The following RGS9 variants were observed in gnomAD, a reference collection of about 807,000 sequenced individuals.
RGS9 encodes the protein regulator of G protein signaling 9.
Under a neutral mutation model 102.0 loss-of-function variants are expected in RGS9, and 78 were observed. That is an observed-to-expected ratio of 0.76 (90% CI 0.64 to 0.92). The LOEUF is 0.92. Among genes scored for constraint, RGS9 ranks in the 40% least tolerant of loss-of-function variants. The pLI, the probability that RGS9 is intolerant of heterozygous loss-of-function variation, is 0.00. For synonymous variants in RGS9, 353 were observed against 318.6 expected (o/e 1.11, Z -1.15); for missense variants, 833 against 866.1 (o/e 0.96, Z 0.48).
chr17:65,154,229 C>G (rs185329640), intron 2 of RGS9, among the ~76,000 whole-genome samples: 2 of 152,168 alleles, frequency 1.3e-5, no homozygotes, highest in Non-Finnish European at 2.9e-5. Context: ...ATCACTTGAA[C>G]CCGGGAGGCG....
intron 9 of RGS9, 153 bp from the exon 10 acceptor site, chr17:65,189,133 G>A (rs1158894630): frequency 4.4e-6 from 3 of 677,548 alleles, no homozygotes; most frequent in Non-Finnish European, 8.0e-6. Context: ...ATAGAATAGA[G>A]TGGAGGCAGT....
chr17:65,172,259 A>G (rs1324043201), intron 8 of RGS9, among the ~76,000 whole-genome samples: 1 of 152,196 alleles, frequency 6.6e-6, no homozygotes, highest in Non-Finnish European at 1.5e-5. Flanking sequence ...TCTGGGGTGC[A>G]GTGGCATGGT....
At chr17:65,183,104 CTAT>C (rs1338234894) in intron 9 of RGS9, among the ~76,000 whole-genome samples, 13 of 150,032 alleles carry the variant, frequency 8.7e-5, no homozygotes, top group South Asian at 4.5e-4. Context: ...ATCTATCTAT[CTAT>C]CTACCTACCT....
At chr17:65,148,932 C>G (rs1224126101) in intron 1 of RGS9, among the ~76,000 whole-genome samples, 1 of 151,946 alleles carries the variant, frequency 6.6e-6, no homozygotes, top group Non-Finnish European at 1.5e-5. Flanking sequence ...TTTGCAATAT[C>G]CCTACGATGA....
chr17:65,190,411 C>T (rs1912323267), intron 11 of RGS9, among the ~76,000 whole-genome samples, 175 bp downstream of exon 11: 1 of 152,134 alleles, frequency 6.6e-6, no homozygotes, highest in African/African-American at 2.4e-5. Flanking sequence ...AATAAACCTC[C>T]GGGTCTCATC....
chr17:65,168,105 T>C (rs1911262456), intron 7 of RGS9, 95 bp from the exon 8 acceptor site: 1 of 766,468 alleles, frequency 1.3e-6, no homozygotes, highest in Non-Finnish European at 2.3e-6. Context: ...CTTGGGCAGG[T>C]TGGGAGAGGG....
At position 65,225,416 on chromosome 17, in the gene RGS9, C is replaced by T. The variant is rs762494808; in HGVS notation, c.1822C>T (p.His608Tyr). The T allele has an allele frequency of 1.2e-6, 2 of 1,610,568 alleles. No homozygotes were observed. The highest frequency in any genetic ancestry group is 1.7e-6 in the Non-Finnish European group (2 of 1,180,044). ...CTCACCCAAGTGCCCTGCTGTGTCC[C>T]ACGGGAGGGTGCAGCCCCTGGGGGA... ...RLSPKCPAVS[H>Y]GRVQPLGDVG... The change falls in exon 18 of 19, where the codon CAC becomes TAC. Residue 608 changes from histidine to tyrosine, a missense_variant. By Grantham distance (83) the His-to-Tyr change is moderately conservative. Transcript: ENST00000262406.
intron 17 of RGS9, among the ~76,000 whole-genome samples, chr17:65,217,452 G>T (rs1027483260): frequency 6.6e-6 from 1 of 152,212 alleles, no homozygotes; most frequent in Non-Finnish European, 1.5e-5. Context: ...ACTGGCAGAG[G>T]CCACTGGATT....
intron 17 of RGS9, 104 bp downstream of exon 17, chr17:65,210,709 G>A: frequency 6.4e-7 from 1 of 1,564,660 alleles, no homozygotes; most frequent in Non-Finnish European, 8.6e-7. Context: ...AGAGGCAAAT[G>A]AAGAAGGGTA....
chr17:65,165,753 A>G (rs1911154777), intron 7 of RGS9, among the ~76,000 whole-genome samples: 1 of 152,160 alleles, frequency 6.6e-6, no homozygotes, highest in Admixed American at 6.5e-5. Context: ...TGAAACACAG[A>G]TAAGATCACC....
rs948163750 is a variant in RGS9 at position 65,168,300 on chromosome 17, G to C, written c.582+19G>C. On this transcript the variant is annotated intron_variant, in intron 8 of 18. Transcript: ENST00000262406. ...ATGCCCTGTGAGTATCCTCCTGCCT[G>C]GTGTCCTCTGTCTCTTCCTGTGCCT... is the stretch of plus-strand genomic sequence containing the variant. 5.1e-6 allele frequency: 8 copies of C among 1,567,080 alleles called. No individual in the cohort carries two copies. In the African/African-American group the frequency reaches 9.5e-5, roughly 19 times the overall value.
At chr17:65,158,587 A>C (rs1258971636) in intron 3 of RGS9, 1 of 588,414 alleles carries the variant, frequency 1.7e-6, no homozygotes, top group Non-Finnish European at 3.1e-6. Flanking sequence ...GGACTCAGTC[A>C]AGAAAGTCCT....
At chr17:65,147,554 T>C (rs1459099665) in intron 1 of RGS9, among the ~76,000 whole-genome samples, 1 of 148,774 alleles carries the variant, frequency 6.7e-6, no homozygotes, top group Non-Finnish European at 1.5e-5. Context: ...TCACCTTGAA[T>C]GCACCTGGAT....
At chr17:65,172,766 AG>A (rs1330711401) in intron 8 of RGS9, among the ~76,000 whole-genome samples, 1 of 152,062 alleles carries the variant, frequency 6.6e-6, no homozygotes, top group Non-Finnish European at 1.5e-5. Flanking sequence ...GGTAGGAGGC[AG>A]GGGCTCTGCG....
At chr17:65,183,703 G>A (rs1367284874) in intron 9 of RGS9, among the ~76,000 whole-genome samples, 1 of 152,094 alleles carries the variant, frequency 6.6e-6, no homozygotes, top group Non-Finnish European at 1.5e-5. Flanking sequence ...ATTCCTCACG[G>A]TTCTCCCCAT....
At chr17:65,166,459 G>A (rs141665923) in intron 7 of RGS9, among the ~76,000 whole-genome samples, 1 of 152,186 alleles carries the variant, frequency 6.6e-6, no homozygotes, top group Non-Finnish European at 1.5e-5. Context: ...GCTACTCAAG[G>A]GCAGGGACTA....
At position 65,204,160 on chromosome 17, in the gene RGS9, C is replaced by A; in HGVS notation, c.1065-3C>A. 6.2e-7 allele frequency: 1 copy of A among 1,612,482 alleles called. No homozygotes were observed. The highest frequency in any genetic ancestry group is 1.7e-5 in the Admixed American group (1 of 60,022). On this transcript the variant is annotated splice_polypyrimidine_tract_variant and splice_region_variant and intron_variant, in intron 14 of 18. Coordinates refer to ENST00000262406, the MANE Select transcript of RGS9 (RefSeq NM_003835.4). The stretch of plus-strand genomic sequence containing the variant: ...TTTTGCTAACATCTCCCTCCCACCC[C>A]AGGCTGTTCCTGGCCCCGGGGGCGA...
At chr17:65,223,515 C>A (rs73994765) in intron 17 of RGS9, among the ~76,000 whole-genome samples, 10,982 of 152,320 alleles carry the variant, frequency 0.072, 1,318 homozygotes, top group African/African-American at 0.25. Flanking sequence ...CAGGCTGGGA[C>A]CTGCCCATGC....
chr17:65,207,387 A>G (rs529648521), intron 15 of RGS9, among the ~76,000 whole-genome samples: 1 of 152,326 alleles, frequency 6.6e-6, no homozygotes, highest in East Asian at 1.9e-4. Flanking sequence ...GAGACTGTTC[A>G]GGTAGTTGTT....
Sources: gnomAD v4.1 joint callset for allele counts (sites outside exome capture counted in the v4.1 genomes callset) on GRCh38, gnomAD v4.1.1 for gene constraint, MANE v1.5 for transcripts, NCBI Gene and HGNC (gene_info 2026-07-23, HGNC 2026-07-21) for gene names.